HMCN2: variants seen among roughly 807,000 people sequenced by gnomAD.
HMCN2 encodes the protein hemicentin-2.
A neutral mutation model predicts 377.5 loss-of-function variants in HMCN2; 325 were observed. That is an observed-to-expected ratio of 0.86 (90% CI 0.79 to 0.94). HMCN2 has a LOEUF of 0.94. Among genes scored for constraint, HMCN2 ranks in the 40% least tolerant of loss-of-function variants. HMCN2 has a pLI of 0.00. For synonymous variants in HMCN2, 2,007 were observed against 2,046.8 expected (o/e 0.98, Z 0.53); for missense variants, 4,543 against 4,725.3 (o/e 0.96, Z 1.13).
rs79117795 is a variant in HMCN2 at position 130,423,820 on chromosome 9, G to T, written c.13382-956G>T. Among the ~76,000 whole-genome samples the T allele has an allele frequency of 0.038, 5,771 of 152,226 alleles. 353 individuals are homozygous for T. The highest frequency in any genetic ancestry group is 0.13 in the African/African-American group (5,414 of 41,516). On this transcript the variant is annotated intron_variant, in intron 87 of 97. Transcript: ENST00000683500. The surrounding 1 kb of genome is among the most constrained non-coding windows in gnomAD (Gnocchi z 5.5). ...AAACGGTTTGGAACAAACCGGGGCTGGTCCAGAAGGGATCTGCAAGTTAGA... is the reference window on the plus strand; with the variant it reads ...AAACGGTTTGGAACAAACCGGGGCTTGTCCAGAAGGGATCTGCAAGTTAGA...
intron 18 of HMCN2, 140 bp from the exon 19 acceptor site, chr9:130,321,647 C>T (rs1837858656): frequency 6.6e-6 from 1 of 152,334 alleles, no homozygotes; most frequent in Admixed American, 6.5e-5. Flanking sequence ...CAGAGCTCCT[C>T]AGCCTTCTCT....
chr9:130,331,726 C>T (rs1261426690), intron 22 of HMCN2, among the ~76,000 whole-genome samples: 1 of 152,162 alleles, frequency 6.6e-6, no homozygotes, highest in Admixed American at 6.5e-5. Context: ...GATGCTGGGG[C>T]GAGGCAGTGT....
At chr9:130,366,718 G>T (rs913595408) in intron 43 of HMCN2, among the ~76,000 whole-genome samples, 5 of 152,074 alleles carry the variant, frequency 3.3e-5, no homozygotes, top group Non-Finnish European at 7.4e-5. Flanking sequence ...CTCCCAAAGT[G>T]CTGGGATTAC....
intron 1 of HMCN2, among the ~76,000 whole-genome samples, chr9:130,278,209 C>A (rs1368637320): frequency 6.6e-6 from 1 of 152,198 alleles, no homozygotes; most frequent in Non-Finnish European, 1.5e-5. Context: ...ACTGCAAGCT[C>A]CGCCTCCCAG....
In HMCN2 at chr9:130,357,892, TG is replaced by T. The variant is rs1234003001; in HGVS notation, c.5485del (p.Val1829Ter). 2 of 1,304,038 alleles carry T rather than the reference TG, an allele frequency of 1.5e-6. No homozygotes were observed. Among genetic ancestry groups the T allele is most frequent in the Non-Finnish European group, 2.0e-6 (2 of 988,878 alleles). The allele number at this position is 1,304,038 out of a possible 1,614,324, so 80.8% of individuals were successfully genotyped here. On this transcript the variant is annotated frameshift_variant, in exon 35 of 98. Transcript: ENST00000683500. LOFTEE classifies it high-confidence loss of function. ...ENITAPFLQP[V>X]TLQCIGDGVP... ...ACATCACAGCTCCTTTCCTGCAGCC[TG>T]TGACCCTCCAGTGCATAGGGGATGG...
intron 97 of HMCN2, 101 bp from the exon 98 acceptor site, chr9:130,433,247 C>A: frequency 1.1e-6 from 1 of 917,620 alleles, no homozygotes; most frequent in Non-Finnish European, 1.5e-6. Flanking sequence ...AGCGCGTGGG[C>A]GGAACTGCAG....
At chr9:130,403,397 T>A in intron 79 of HMCN2, 69 bp downstream of exon 79, 1 of 1,272,058 alleles carries the variant, frequency 7.9e-7, no homozygotes, top group Non-Finnish European at 1.0e-6. Flanking sequence ...GGGGGAGTCC[T>A]GCTTCCTGCC....
At chr9:130,299,582 C>A (rs1554933572) in intron 8 of HMCN2, among the ~76,000 whole-genome samples, 1 of 150,906 alleles carries the variant, frequency 6.6e-6, no homozygotes, top group Non-Finnish European at 1.5e-5. Flanking sequence ...CACTCACCCA[C>A]CCATCCACCC....
chr9:130,382,497 G>A (rs541486059), intron 55 of HMCN2, among the ~76,000 whole-genome samples, 182 bp from the exon 56 acceptor site: 5 of 152,296 alleles, frequency 3.3e-5, no homozygotes, highest in Admixed American at 2.0e-4. Flanking sequence ...GTGACATTGA[G>A]CAAATCACAA....
In HMCN2 at chr9:130,358,503, C is replaced by A. The variant is rs1048139212; in HGVS notation, c.5677+17C>A. 2 of 1,304,222 alleles carry A rather than the reference C, an allele frequency of 1.5e-6. No homozygotes were observed. Among genetic ancestry groups the A allele is most frequent in the East Asian group, 5.5e-5 (1 of 18,040 alleles). 80.8% of individuals were successfully genotyped at this position (1,304,222 alleles called of 1,614,324 possible). ...AAGTTTTGGGTGAGGACGTGGGTAA[C>A]CAGCAGGGCCCAGGCCAGCATGTTG... On this transcript the variant is annotated intron_variant, in intron 36 of 97. Transcript: ENST00000683500.
chr9:130,349,008 C>G lies in HMCN2; in HGVS notation c.4180C>G (p.Leu1394Val). ...QLIPKVGGHR[L>V]LDEGQSLHFP... The stretch of plus-strand genomic sequence containing the variant: ...GATTCCTAAGGTGGGCGGCCACCGC[C>G]TCCTGGACGAGGGCCAGTCCCTCCA... The change falls in exon 28 of 98, where the codon CTC becomes GTC. Residue 1394 changes from leucine to valine, a missense_variant. Leu to Val is a conservative substitution (Grantham distance 32, BLOSUM62 1). Coordinates refer to ENST00000683500, the MANE Select transcript of HMCN2 (RefSeq NM_001291815.2). 7.7e-7 allele frequency: 1 copy of G among 1,304,198 alleles called. No individual in the cohort carries two copies. The highest frequency in any genetic ancestry group is 1.0e-6 in the Non-Finnish European group (1 of 988,922). The allele number at this position is 1,304,198 out of a possible 1,614,324, so 80.8% of individuals were successfully genotyped here.
chr9:130,422,647 C>T lies in HMCN2; in HGVS notation c.13302C>T (p.Leu4434=), dbSNP rs1844085130. 7 of 1,329,568 alleles carry T rather than the reference C, an allele frequency of 5.3e-6. No individual in the cohort carries two copies. Among genetic ancestry groups the T allele is most frequent in the Middle Eastern group, 1.9e-4 (1 of 5,144 alleles). The allele number at this position is 1,329,568 out of a possible 1,614,324, so 82.4% of individuals were successfully genotyped here. The change falls in exon 87 of 98, where the codon CTC becomes CTT. Residue 4434 remains leucine (L), a synonymous_variant. Coordinates refer to ENST00000683500, the MANE Select transcript of HMCN2 (RefSeq NM_001291815.2). The surrounding 1 kb of genome is among the most constrained non-coding windows in gnomAD (Gnocchi z 4.2). ...INGRKFGVAT[L]NTSVMQEAHS... is the part of the protein sequence containing the mutation. ...GCCGGAAATTTGGCGTGGCCACACT[C>T]AACACCAGCGTGATGCAGGAGGCAC...
At chr9:130,388,329 T>C in intron 61 of HMCN2, 80 bp from the exon 62 acceptor site, 1 of 949,454 alleles carries the variant, frequency 1.1e-6, no homozygotes, top group Non-Finnish European at 1.3e-6. Context: ...AAGGGCTTCT[T>C]AGGCCTCCCT....
chr9:130,368,122 TGGAAGGCTTCCC>T (rs1410212187), intron 43 of HMCN2, among the ~76,000 whole-genome samples, 142 bp from the exon 44 acceptor site: 1 of 151,880 alleles, frequency 6.6e-6, no homozygotes, highest in East Asian at 1.9e-4. Context: ...GTGGCACTCA[TGGAAGGCTTCCC>T]GGAAGAGGTA....
intron 4 of HMCN2, among the ~76,000 whole-genome samples, chr9:130,286,529 C>T (rs958791826): frequency 2.0e-5 from 3 of 152,260 alleles, no homozygotes; most frequent in African/African-American, 4.8e-5. Flanking sequence ...AACCCTTCCA[C>T]CTGTCCCAAA....
At chr9:130,266,690 C>T (rs1834119872) in intron 1 of HMCN2, among the ~76,000 whole-genome samples, 1 of 152,254 alleles carries the variant, frequency 6.6e-6, no homozygotes, top group African/African-American at 2.4e-5. Flanking sequence ...CGCCTGTCTT[C>T]CCTGGGGAAA....
At chr9:130,289,375 GA>G (rs1554929201) in intron 4 of HMCN2, among the ~76,000 whole-genome samples, 1 of 152,114 alleles carries the variant, frequency 6.6e-6, no homozygotes, top group African/African-American at 2.4e-5. Flanking sequence ...GGGAGCGTCT[GA>G]CCAGGTGGCT....
At chr9:130,322,427 C>A (rs986030393) in intron 19 of HMCN2, among the ~76,000 whole-genome samples, 6 of 151,780 alleles carry the variant, frequency 4.0e-5, no homozygotes, top group African/African-American at 7.3e-5. Context: ...ATTTAAAAAC[C>A]AAATAGGATC....
At position 130,351,105 on chromosome 9, in the gene HMCN2, A is replaced by T. The variant is rs979476592; in HGVS notation, c.4431-318A>T. The stretch of plus-strand genomic sequence containing the variant: ...CTCTATGGACGTGCCTGTTCTGGGT[A>T]CTTCACATCACTGGCATCATAGAGT... On this transcript the variant is annotated intron_variant, in intron 29 of 97. Transcript: ENST00000683500. The surrounding 1 kb of genome is among the most constrained non-coding windows in gnomAD (Gnocchi z 5.4). Among the ~76,000 whole-genome samples the T allele has an allele frequency of 6.6e-6, 1 of 152,116 alleles. No individual in the cohort carries two copies. Among genetic ancestry groups the T allele is most frequent in the Admixed American group, 6.5e-5 (1 of 15,278 alleles).
Sources: gnomAD v4.1 joint callset for allele counts (sites outside exome capture counted in the v4.1 genomes callset) on GRCh38, gnomAD v4.1.1 for gene constraint, Gnocchi (gnomAD v3.1) non-coding constraint, MANE v1.5 for transcripts, NCBI Gene and HGNC (gene_info 2026-07-23, HGNC 2026-07-21) for gene names.